Variants in DUSP4 observed in about 807,000 individuals in gnomAD.
The protein encoded by DUSP4 is dual specificity phosphatase 4, also known as dual specificity protein phosphatase 4.
Under a neutral mutation model 27.2 loss-of-function variants are expected in DUSP4, and 12 were observed. The observed-to-expected ratio is 0.44, with a 90% CI of 0.28 to 0.71. The LOEUF (loss-of-function observed/expected upper bound fraction) is 0.71. DUSP4 is among the 30% of genes least tolerant of loss of function. DUSP4 has a pLI of 0.14. For synonymous variants in DUSP4, 257 were observed against 245.2 expected (o/e 1.05, Z -0.45); for missense variants, 448 against 551.3 (o/e 0.81, Z 1.88).
rs972449639 is a variant in DUSP4 at position 29,349,869 on chromosome 8, C to T, written c.410G>A (p.Arg137His). 5 of 1,506,274 alleles carry T rather than the reference C, an allele frequency of 3.3e-6. No individual in the cohort carries two copies. Among genetic ancestry groups the T allele is most frequent in the Non-Finnish European group, 4.4e-6 (5 of 1,133,814 alleles). The allele number at this position is 1,506,274 out of a possible 1,614,324, so 93.3% of individuals were successfully genotyped here. ...ACCTTTGAGCAGGCAGATGTCGGTGCGCTCGGCGTTGCGGCGCAGCGCCTG... is the reference window on the plus strand; with the variant it reads ...ACCTTTGAGCAGGCAGATGTCGGTGTGCTCGGCGTTGCGGCGCAGCGCCTG... The part of the protein sequence containing the change: ...VVQALRRNAE[R>H]TDICLLKGGY... The change falls in exon 1 of 4, where the codon CGC becomes CAC. Residue 137 changes from arginine (R) to histidine (H), a missense_variant. By Grantham distance (29) the Arg-to-His change is conservative. This residue lies in a region of DUSP4 where 345 missense variants were observed against 394.0 expected (regional missense o/e 0.88). Coordinates refer to ENST00000240100, the MANE Select transcript of DUSP4 (RefSeq NM_001394.7).
intron 1 of DUSP4, chr8:29,348,193 G>C (rs767403650): frequency 1.0e-6 from 1 of 985,618 alleles, no homozygotes; most frequent in Non-Finnish European, 1.2e-6. Flanking sequence ...GCTCTCCATC[G>C]GGGGGACTCG....
chr8:29,333,492 A>G lies in DUSP4; in HGVS notation c.*3534T>C, dbSNP rs1487005057. The G allele has an allele frequency of 6.6e-6, 1 of 152,228 alleles. No individual in the cohort carries two copies. Among genetic ancestry groups the G allele is most frequent in the Non-Finnish European group, 1.5e-5 (1 of 68,060 alleles). 9.4% of individuals were successfully genotyped at this position (152,228 alleles called of 1,614,324 possible). A position where few individuals can be genotyped will look rare whatever the true frequency, so the allele number is the denominator to read the frequency against. On this transcript the variant is annotated 3_prime_UTR_variant, in exon 4 of 4. Coordinates refer to ENST00000240100, the MANE Select transcript of DUSP4 (RefSeq NM_001394.7). Reference sequence around the variant, plus strand: ...GCCTGGAAGGGTGCTCCACTCAGGAACTCCCAAGAGAAACCATCTTGTCCC... The same window carrying G: ...GCCTGGAAGGGTGCTCCACTCAGGAGCTCCCAAGAGAAACCATCTTGTCCC...
chr8:29,340,762 C>G (rs908026380), intron 1 of DUSP4, among the ~76,000 whole-genome samples: 3 of 152,164 alleles, frequency 2.0e-5, no homozygotes, highest in African/African-American at 7.2e-5. Flanking sequence ...TCATGAATAG[C>G]TGTTCCGTCA....
chr8:29,347,709 G>C (rs1817754975), intron 1 of DUSP4: 1 of 976,816 alleles, frequency 1.0e-6, no homozygotes, highest in Admixed American at 6.2e-5. Context: ...GGCAGTGCAG[G>C]CTCCAGGAGG....
intron 1 of DUSP4, chr8:29,346,090 A>G: frequency 6.1e-6 from 6 of 985,328 alleles, no homozygotes; most frequent in Non-Finnish European, 7.2e-6. Flanking sequence ...GAGAGAAAAA[A>G]CAGAAAAATG....
chr8:29,334,423 A>G lies in DUSP4; in HGVS notation c.*2603T>C, dbSNP rs1315001736. Reference sequence around the variant, plus strand: ...AGCCAATGTCCTATTTTATTTCTAAAAGTTTTGGGACTCGTGCTGTTATCA... The same window carrying G: ...AGCCAATGTCCTATTTTATTTCTAAGAGTTTTGGGACTCGTGCTGTTATCA... On this transcript the variant is annotated 3_prime_UTR_variant, in exon 4 of 4. Transcript: ENST00000240100. 6.6e-6 allele frequency: 1 copy of G among 152,150 alleles called. No individual in the cohort carries two copies. Among genetic ancestry groups the G allele is most frequent in the Admixed American group, 6.5e-5 (1 of 15,284 alleles). 9.4% of individuals were successfully genotyped at this position (152,150 alleles called of 1,614,324 possible).
At chr8:29,348,379 G>A (rs1040096650) in intron 1 of DUSP4, 3 of 985,678 alleles carry the variant, frequency 3.0e-6, no homozygotes, top group East Asian at 1.1e-4. Flanking sequence ...AGGCCTTCCG[G>A]GACAAGCCCC....
chr8:29,341,663 G>A (rs1055595297), intron 1 of DUSP4, among the ~76,000 whole-genome samples: 3 of 152,062 alleles, frequency 2.0e-5, no homozygotes, highest in Non-Finnish European at 4.4e-5. Flanking sequence ...TGGTGGCCTC[G>A]GCAGCCACTT....
chr8:29,335,651 C>CAA lies in DUSP4; in HGVS notation c.*1373_*1374dup, dbSNP rs923612998. On this transcript the variant is annotated 3_prime_UTR_variant, in exon 4 of 4. Transcript: ENST00000240100. Reference sequence around the variant, plus strand: ...CTAAAATTAAAACCTCCAATTTATGCAAAAAAAGAAAAGATGGTGCTTCAA... The same window carrying CAA: ...CTAAAATTAAAACCTCCAATTTATGCAAAAAAAAAGAAAAGATGGTGCTTCAA... The CAA allele has an allele frequency of 6.6e-6, 1 of 151,964 alleles. No homozygotes were observed. Among genetic ancestry groups the CAA allele is most frequent in the Admixed American group, 6.6e-5 (1 of 15,266 alleles). 9.4% of individuals were successfully genotyped at this position (151,964 alleles called of 1,614,324 possible). A position where few individuals can be genotyped will look rare whatever the true frequency, so the allele number is the denominator to read the frequency against.
Position 29,337,194 on chromosome 8 carries a change from A to G in DUSP4, c.1017T>C (p.Cys339=), listed in dbSNP as rs1817587849. 7 of 1,613,408 alleles carry G rather than the reference A, an allele frequency of 4.3e-6. No homozygotes were observed. Among genetic ancestry groups the G allele is most frequent in the Non-Finnish European group, 5.9e-6 (7 of 1,179,876 alleles). The change falls in exon 4 of 4, where the codon TGT becomes TGC. Residue 339 remains cysteine, a synonymous_variant. Transcript: ENST00000240100. The surrounding 1 kb of genome is among the most constrained non-coding windows in gnomAD (Gnocchi z 6.4). ...CCGAGGGGCTAGCAGCCTCCGCAGC[A>G]CAGGACGTGGCCAGCACCTGGGACT... The part of the protein sequence containing the change: ...QFESQVLATS[C]AAEAASPSGP...
At chr8:29,349,800 C>T (rs1817794623) in intron 1 of DUSP4, 46 bp downstream of exon 1, 1 of 1,453,146 alleles carries the variant, frequency 6.9e-7, no homozygotes, top group Non-Finnish European at 9.0e-7. Context: ...CGCCAAGACC[C>T]CCTCCATCTC....
At position 29,350,463 on chromosome 8, in the gene DUSP4, G is replaced by T; in HGVS notation, c.-185C>A. On this transcript the variant is annotated 5_prime_UTR_variant, in exon 1 of 4. Coordinates refer to ENST00000240100, the MANE Select transcript of DUSP4 (RefSeq NM_001394.7). ...TGTCCCCTTCCTCCCGCAGCCTCGC[G>T]GTCACATAGCAGTCGGAGCGGCCTC... 1 of 740,446 alleles carries T rather than the reference G, an allele frequency of 1.4e-6. No homozygotes were observed. Among genetic ancestry groups the T allele is most frequent in the Non-Finnish European group, 2.1e-6 (1 of 481,998 alleles). The allele number at this position is 740,446 out of a possible 1,614,324, so 45.9% of individuals were successfully genotyped here.
chr8:29,348,831 T>C (rs1308837004), intron 1 of DUSP4: 39 of 983,736 alleles, frequency 4.0e-5, no homozygotes, highest in Non-Finnish European at 4.3e-5. Flanking sequence ...GCGCAGACCC[T>C]ACCCGCGCGG....
chr8:29,348,461 AC>A, intron 1 of DUSP4: 1 of 985,624 alleles, frequency 1.0e-6, no homozygotes, highest in Non-Finnish European at 1.2e-6. Context: ...GGAGCAAAAG[AC>A]AGCCCTCGCG....
rs1341820818 is a variant in DUSP4, at chr8:29,333,948, ACT to A, written c.*3076_*3077del. On this transcript the variant is annotated 3_prime_UTR_variant, in exon 4 of 4. Transcript: ENST00000240100. ...TTCTCATGGCTTCCCAAATTGGAAA[ACT>A]CTCTGGAATCCAGCGTGGATGAGCA... 6.6e-6 allele frequency: 1 copy of A among 152,108 alleles called. No homozygotes were observed. Among genetic ancestry groups the A allele is most frequent in the Admixed American group, 6.6e-5 (1 of 15,262 alleles). 9.4% of individuals were successfully genotyped at this position (152,108 alleles called of 1,614,324 possible).
chr8:29,341,934 T>A (rs941342153), intron 1 of DUSP4, among the ~76,000 whole-genome samples: 1 of 152,260 alleles, frequency 6.6e-6, no homozygotes, highest in Non-Finnish European at 1.5e-5. Flanking sequence ...TATACTTCTC[T>A]AGGATTTGAA....
chr8:29,339,990 T>C, intron 2 of DUSP4, 108 bp downstream of exon 2: 1 of 1,402,160 alleles, frequency 7.1e-7, no homozygotes, highest in Admixed American at 2.4e-5. Flanking sequence ...AGCAAGACTG[T>C]CTCAAAAGCA....
intron 3 of DUSP4, 88 bp downstream of exon 3, chr8:29,338,194 A>G (rs1817605690): frequency 1.5e-6 from 2 of 1,376,510 alleles, no homozygotes; most frequent in Non-Finnish European, 1.0e-6. Context: ...AGTGCCTCCA[A>G]TGTCCACCTT....
At position 29,337,475 on chromosome 8, in the gene DUSP4, C is replaced by T. The variant is rs961554235; in HGVS notation, c.800-64G>A. The T allele has an allele frequency of 1.5e-5, 23 of 1,516,772 alleles. No individual in the cohort carries two copies. The highest frequency in any genetic ancestry group is 2.6e-5 in the South Asian group (2 of 77,640). 94.0% of individuals were successfully genotyped at this position (1,516,772 alleles called of 1,614,324 possible). A position where few individuals can be genotyped will look rare whatever the true frequency, so the allele number is the denominator to read the frequency against. On this transcript the variant is annotated intron_variant, in intron 3 of 3. Coordinates refer to ENST00000240100, the MANE Select transcript of DUSP4 (RefSeq NM_001394.7). This position sits in a 1 kb window ranked among gnomAD's most constrained non-coding sequence, Gnocchi z 6.4. ...AGACCCCAGCCCCGACCAGGGGCACCGGCCAGCCCCTGGGGTCGGGGGGCT... is the reference window on the plus strand; with the variant it reads ...AGACCCCAGCCCCGACCAGGGGCACTGGCCAGCCCCTGGGGTCGGGGGGCT...
Sources: allele counts gnomAD v4.1 joint callset (sites outside exome capture counted in the v4.1 genomes callset), GRCh38; gene constraint gnomAD v4.1.1; regional missense constraint gnomAD v4.1.1; non-coding constraint Gnocchi (gnomAD v3.1); transcripts MANE v1.5; gene names NCBI Gene and HGNC (gene_info 2026-07-23, HGNC 2026-07-21).